TRIM44: variants seen among roughly 807,000 people sequenced by gnomAD.
TRIM44 encodes the protein tripartite motif containing 44.
A neutral mutation model predicts 37.4 loss-of-function variants in TRIM44; 13 were observed. The observed-to-expected ratio is 0.35, with a 90% CI of 0.23 to 0.55. TRIM44 has a LOEUF of 0.55. Ranked by LOEUF, TRIM44 falls within the 20% of genes least tolerant of loss-of-function variation. TRIM44 has a pLI of 0.89. For missense variants in TRIM44, 426 were observed against 437.2 expected (o/e 0.97, Z 0.23); for synonymous variants, 175 against 157.2 (o/e 1.11, Z -0.85).
At chr11:35,729,589 T>C (rs1438274253) in intron 3 of TRIM44, among the ~76,000 whole-genome samples, 1 of 152,228 alleles carries the variant, frequency 6.6e-6, no homozygotes, top group Non-Finnish European at 1.5e-5. Flanking sequence ...TCCTGCCCTG[T>C]AGTAATGATT....
At chr11:35,802,669 G>A (rs72932152) in intron 4 of TRIM44, among the ~76,000 whole-genome samples, 6 of 152,242 alleles carry the variant, frequency 3.9e-5, no homozygotes, top group Admixed American at 1.3e-4. Flanking sequence ...CTAGATCAGT[G>A]ACCGAGCTAA....
At chr11:35,791,490 A>G (rs1853208726) in intron 4 of TRIM44, among the ~76,000 whole-genome samples, 1 of 151,686 alleles carries the variant, frequency 6.6e-6, no homozygotes, top group Admixed American at 6.6e-5. Flanking sequence ...CCGCCCTGAC[A>G]TTTTCTTAGG....
At chr11:35,711,103 T>C (rs1406561686) in intron 2 of TRIM44, among the ~76,000 whole-genome samples, 2 of 152,132 alleles carry the variant, frequency 1.3e-5, no homozygotes, top group Non-Finnish European at 2.9e-5. Flanking sequence ...TGAAAATGTT[T>C]TAAAACCAAT....
intron 3 of TRIM44, among the ~76,000 whole-genome samples, chr11:35,728,617 G>A (rs1243191289): frequency 6.6e-6 from 1 of 152,124 alleles, no homozygotes; most frequent in Non-Finnish European, 1.5e-5. Flanking sequence ...ATTGGTGAGA[G>A]CAAATATCTA....
At chr11:35,767,439 C>CTACT (rs2133863770) in intron 4 of TRIM44, among the ~76,000 whole-genome samples, 1 of 152,248 alleles carries the variant, frequency 6.6e-6, no homozygotes, top group Admixed American at 6.5e-5. Flanking sequence ...ATCCTCAGTA[C>CTACT]TACTACTCTG....
chr11:35,795,390 A>G (rs759076394), intron 4 of TRIM44, among the ~76,000 whole-genome samples: 8 of 152,036 alleles, frequency 5.3e-5, no homozygotes, highest in Admixed American at 1.3e-4. Context: ...AGCAACTCCA[A>G]TAGTTCAAGC....
In TRIM44 at chr11:35,817,300, T is replaced by G. The variant is rs1590621560; in HGVS notation, c.*10915T>G. 6.6e-6 allele frequency: 1 copy of G among 152,156 alleles called. No individual in the cohort carries two copies. The highest frequency in any genetic ancestry group is 1.5e-5 in the Non-Finnish European group (1 of 68,040). The allele number at this position is 152,156 out of a possible 1,614,324, so 9.4% of individuals were successfully genotyped here. On this transcript the variant is annotated 3_prime_UTR_variant, in exon 5 of 5. Transcript: ENST00000299413. ...TTCCCATGAAAAGAGGGAAGAGAGT[T>G]GAGAAGCCTCACTCCCATCCCTGCT...
intron 4 of TRIM44, among the ~76,000 whole-genome samples, chr11:35,795,431 A>G (rs1385790000): frequency 2.0e-5 from 3 of 152,000 alleles, no homozygotes; most frequent in African/African-American, 7.3e-5. Flanking sequence ...GAGAAGATGA[A>G]TGGACACACA....
chr11:35,682,736 A>C (rs1429109189), intron 1 of TRIM44, among the ~76,000 whole-genome samples: 1 of 152,122 alleles, frequency 6.6e-6, no homozygotes, highest in Non-Finnish European at 1.5e-5. Context: ...TGTGAAAAGG[A>C]GGAAGGATTC....
intron 2 of TRIM44, among the ~76,000 whole-genome samples, chr11:35,717,056 G>T (rs1852047163): frequency 6.6e-6 from 1 of 152,186 alleles, no homozygotes; most frequent in Admixed American, 6.5e-5. Context: ...ACGCCTGATG[G>T]TTTGGATAAT....
chr11:35,711,526 G>T (rs1272161625), intron 2 of TRIM44, among the ~76,000 whole-genome samples: 2 of 150,624 alleles, frequency 1.3e-5, no homozygotes, highest in African/African-American at 2.4e-5. Flanking sequence ...ATAGGTTGTT[G>T]GGAAAATAAG....
intron 4 of TRIM44, among the ~76,000 whole-genome samples, chr11:35,788,553 T>A (rs771066615): frequency 3.3e-5 from 5 of 152,142 alleles, no homozygotes; most frequent in Non-Finnish European, 7.4e-5. Flanking sequence ...CATTTGAGAG[T>A]CTGGTTTTGG....
intron 1 of TRIM44, among the ~76,000 whole-genome samples, chr11:35,670,946 C>T (rs1242501346): frequency 6.6e-6 from 1 of 152,150 alleles, no homozygotes; most frequent in Non-Finnish European, 1.5e-5. Flanking sequence ...AGTTTCAGTT[C>T]TCTGGTTTTA....
At position 35,765,474 on chromosome 11, in the gene TRIM44, T is replaced by TAC. The variant is rs538514263; in HGVS notation, c.1007+30031_1007+30032dup. ...CCGACCAGTGACTTGAAAAGAACTG[T>TAC]ACAACAGTAAGTTGAATGGTGACAG... On this transcript the variant is annotated intron_variant, in intron 4 of 4. Transcript: ENST00000299413. Among the ~76,000 whole-genome samples the TAC allele has an allele frequency of 1.1e-4, 16 of 152,298 alleles. No individual in the cohort carries two copies. The East Asian group carries it at 3.1e-3, about 29-fold the overall frequency.
chr11:35,673,093 C>G (rs1237172200), intron 1 of TRIM44, among the ~76,000 whole-genome samples: 1 of 152,108 alleles, frequency 6.6e-6, no homozygotes, highest in African/African-American at 2.4e-5. Flanking sequence ...AGGGCTCTAG[C>G]TTTTTGGAAT....
intron 2 of TRIM44, among the ~76,000 whole-genome samples, chr11:35,687,715 G>A (rs1218585651): frequency 6.6e-6 from 1 of 152,174 alleles, no homozygotes; most frequent in Non-Finnish European, 1.5e-5. Context: ...TGAAAGGTTT[G>A]AGCGGTTGCA....
chr11:35,724,953 TAA>T (rs1852153227), intron 2 of TRIM44, among the ~76,000 whole-genome samples: 2 of 152,212 alleles, frequency 1.3e-5, no homozygotes, highest in South Asian at 4.1e-4. Flanking sequence ...ATGCGTATAT[TAA>T]GAGATATAGC....
intron 4 of TRIM44, among the ~76,000 whole-genome samples, chr11:35,778,851 G>T (rs1565021114): frequency 6.6e-6 from 1 of 152,196 alleles, no homozygotes; most frequent in Admixed American, 6.5e-5. Context: ...GTGTCGGTCA[G>T]CCCCCTATTG....
intron 4 of TRIM44, among the ~76,000 whole-genome samples, chr11:35,752,740 C>T (rs945614320): frequency 6.6e-6 from 1 of 152,100 alleles, no homozygotes; most frequent in Non-Finnish European, 1.5e-5. Flanking sequence ...TATGTCAGGG[C>T]CTTTGTGCTC....
Sources: gnomAD v4.1 joint callset for allele counts (sites outside exome capture counted in the v4.1 genomes callset) on GRCh38, gnomAD v4.1.1 for gene constraint, MANE v1.5 for transcripts, NCBI Gene and HGNC (gene_info 2026-07-23, HGNC 2026-07-21) for gene names.